MPRIP: variants seen among roughly 807,000 people sequenced by gnomAD.
MPRIP encodes the protein myosin phosphatase Rho interacting protein.
A neutral mutation model predicts 234.9 loss-of-function variants in MPRIP; 59 were observed. That is an observed-to-expected ratio of 0.25 (90% confidence interval 0.20 to 0.31). The LOEUF (loss-of-function observed/expected upper bound fraction) is 0.31, where lower values mean the gene tolerates loss of function less well. Among genes scored for constraint, MPRIP ranks in the 10% least tolerant of loss-of-function variants. The probability of loss-of-function intolerance (pLI) is 1.00; values close to 1 mark genes in which losing one functional copy is unlikely to be tolerated. For synonymous variants in MPRIP, 1,144 were observed against 1,263.9 expected (o/e 0.91, Z 2.01); for missense variants, 2,436 against 3,071.0 (o/e 0.79, Z 4.89).
At chr17:17,141,057 T>A (rs1262742855) in intron 7 of MPRIP, among the ~76,000 whole-genome samples, 1 of 152,190 alleles carries the variant, frequency 6.6e-6, no homozygotes, top group Non-Finnish European at 1.5e-5. Context: ...GCAGAGTGAC[T>A]GTAGCAAGTG....
chr17:17,083,836 C>A (rs1255981951), intron 3 of MPRIP, among the ~76,000 whole-genome samples: 2 of 152,092 alleles, frequency 1.3e-5, no homozygotes, highest in Non-Finnish European at 2.9e-5. Context: ...CTCCGTCTCC[C>A]GGGTTCAAGT....
intron 5 of MPRIP, among the ~76,000 whole-genome samples, chr17:17,132,513 G>A (rs114081544): frequency 0.023 from 3,454 of 152,340 alleles, 106 homozygotes; most frequent in Middle Eastern, 0.085. Flanking sequence ...AGGGAGCAGG[G>A]TGGGGATGGG....
At chr17:17,173,095 GC>G (rs1047302114) in intron 18 of MPRIP, among the ~76,000 whole-genome samples, 2 of 152,252 alleles carry the variant, frequency 1.3e-5, no homozygotes, top group Admixed American at 1.3e-4. Context: ...CCCAGCAACT[GC>G]CCAGATGTGT....
chr17:17,136,982 C>T (rs1266332080), intron 6 of MPRIP, among the ~76,000 whole-genome samples: 1 of 152,150 alleles, frequency 6.6e-6, no homozygotes, highest in African/African-American at 2.4e-5. Flanking sequence ...GTCTTGTTCC[C>T]AGGCTCTAGA....
intron 1 of MPRIP, among the ~76,000 whole-genome samples, chr17:17,059,718 A>G (rs1001268087): frequency 6.6e-6 from 1 of 152,116 alleles, no homozygotes. Context: ...CGAACTTTGC[A>G]TCAGTGGCCT....
chr17:17,100,515 A>C (rs951067865), intron 3 of MPRIP, among the ~76,000 whole-genome samples: 1 of 152,126 alleles, frequency 6.6e-6, no homozygotes, highest in African/African-American at 2.4e-5. Flanking sequence ...CTTATTAGGA[A>C]CTGGGCTGCA....
intron 16 of MPRIP, among the ~76,000 whole-genome samples, chr17:17,169,472 CAG>C (rs2046083052): frequency 1.3e-5 from 2 of 152,186 alleles, no homozygotes; most frequent in Admixed American, 1.3e-4. Flanking sequence ...AGCAAGAAAT[CAG>C]AAAAAAGAGG....
chr17:17,103,590 C>A lies in MPRIP; in HGVS notation c.268-23112C>A, dbSNP rs2090005882. Among the ~76,000 whole-genome samples the A allele has an allele frequency of 2.0e-5, 3 of 152,138 alleles. No homozygotes were observed. In the South Asian group the frequency reaches 6.2e-4, roughly 32 times the overall value. On this transcript the variant is annotated intron_variant, in intron 3 of 23. Coordinates refer to ENST00000651222, the MANE Select transcript of MPRIP (RefSeq NM_001364716.4). ...GGCTTTTGCTGTTAAAAAAAACTGC[C>A]CCTTCCCAGGCCCCTGCTCTGTCTC...
At chr17:17,086,243 G>A (rs1434797698) in intron 3 of MPRIP, among the ~76,000 whole-genome samples, 2 of 152,072 alleles carry the variant, frequency 1.3e-5, no homozygotes, top group South Asian at 4.2e-4. Context: ...GCATGGCCAC[G>A]AGATTCCAGA....
intron 3 of MPRIP, among the ~76,000 whole-genome samples, chr17:17,114,775 TCCTCTGG>T (rs2090250278): frequency 6.6e-6 from 1 of 151,226 alleles, no homozygotes; most frequent in South Asian, 2.1e-4. Context: ...CAAGGGAAGC[TCCTCTGG>T]CAGAGGGCCC....
intron 7 of MPRIP, 78 bp from the exon 8 acceptor site, chr17:17,142,549 G>T: frequency 2.6e-6 from 4 of 1,546,570 alleles, no homozygotes; most frequent in Non-Finnish European, 3.5e-6. Flanking sequence ...GGCCAGGCCG[G>T]GCATGGGAGG....
At chr17:17,152,878 G>A (rs974655965) in intron 12 of MPRIP, among the ~76,000 whole-genome samples, 5 of 152,218 alleles carry the variant, frequency 3.3e-5, no homozygotes, top group African/African-American at 1.2e-4. Context: ...AGAAGGCCCC[G>A]CCCACTGAGA....
chr17:17,086,184 AAGG>A (rs1315457954), intron 3 of MPRIP, among the ~76,000 whole-genome samples: 3 of 152,214 alleles, frequency 2.0e-5, no homozygotes, highest in Non-Finnish European at 4.4e-5. Context: ...TTGTGTTCAC[AAGG>A]AGAAGCGGCT....
intron 16 of MPRIP, chr17:17,168,351 G>A (rs1236290144): frequency 8.5e-6 from 2 of 235,812 alleles, no homozygotes; most frequent in South Asian, 5.7e-5. Flanking sequence ...GCAACACCCC[G>A]GAGAGCCAGG....
In MPRIP at chr17:17,172,760, C is replaced by G. The variant is rs776756833; in HGVS notation, c.6535C>G (p.Arg2179Gly). 1 of 1,612,300 alleles carries G rather than the reference C, an allele frequency of 6.2e-7. No individual in the cohort carries two copies. Among genetic ancestry groups the G allele is most frequent in the Admixed American group, 1.7e-5 (1 of 60,030 alleles). ...GGAGCGGGAGCTGGAGAAGAGCCAG[C>G]GGTCCCAGATCAGCAGCGTCAACTC... ...EMERELEKSQ[R>G]SQISSVNSDV... is the part of the protein sequence containing the mutation. The change falls in exon 18 of 24, where the codon CGG (arginine) becomes GGG (glycine). Residue 2179 changes from arginine to glycine, a missense_variant. Physicochemically the swap from Arg to Gly is moderately radical, Grantham distance 125. Coordinates refer to ENST00000651222, the MANE Select transcript of MPRIP (RefSeq NM_001364716.4).
chr17:17,175,446 C>T, intron 20 of MPRIP, 34 bp downstream of exon 20: 3 of 1,563,756 alleles, frequency 1.9e-6, no homozygotes, highest in Non-Finnish European at 2.6e-6. Flanking sequence ...CCTGACTCAG[C>T]TCTGCACCCA....
intron 15 of MPRIP, among the ~76,000 whole-genome samples, chr17:17,163,094 A>T (rs2045907275): frequency 1.3e-5 from 2 of 152,154 alleles, no homozygotes; most frequent in Non-Finnish European, 2.9e-5. Context: ...GCTTTTAATC[A>T]CGACTCAGAA....
intron 1 of MPRIP, among the ~76,000 whole-genome samples, chr17:17,072,182 G>A (rs2089211420): frequency 6.6e-6 from 1 of 152,238 alleles, no homozygotes; most frequent in South Asian, 2.1e-4. Flanking sequence ...GGGGGAGGAT[G>A]CAGCAGTTTT....
At chr17:17,057,755 C>A in intron 1 of MPRIP, 1 of 714,494 alleles carries the variant, frequency 1.4e-6, no homozygotes, top group Non-Finnish European at 2.6e-6. Flanking sequence ...GACCCCCACC[C>A]GCTGCCCCAT....
Sources: allele counts gnomAD v4.1 joint callset (sites outside exome capture counted in the v4.1 genomes callset), GRCh38; gene constraint gnomAD v4.1.1; transcripts MANE v1.5; gene names NCBI Gene and HGNC (gene_info 2026-07-23, HGNC 2026-07-21).